ZNF83: variants seen among roughly 807,000 people sequenced by gnomAD.
ZNF83 encodes zinc finger protein 83, also known as zinc finger protein 816B.
For synonymous variants in ZNF83, 209 were observed against 213.0 expected (o/e 0.98, Z 0.17); for missense variants, 552 against 629.9 (o/e 0.88, Z 1.32).
Position 52,635,104 on chromosome 19 carries a change from TC to T in ZNF83, c.-273del, listed in dbSNP as rs756616512. Reference sequence around the variant, plus strand: ...ATTCCTGACGCCTTTGCTTTCCTCTTCCCCTTCCGGGTTTCTTCCTCATGTA... The same window carrying T: ...ATTCCTGACGCCTTTGCTTTCCTCTTCCCTTCCGGGTTTCTTCCTCATGTA... On this transcript the variant is annotated 5_prime_UTR_variant, in exon 2 of 3. It removes the in-frame stop codon of an upstream open reading frame in the 5' UTR. Coordinates refer to ENST00000301096, the Ensembl canonical transcript of ZNF83. 4.3e-6 allele frequency: 3 copies of T among 698,592 alleles called. No individual in the cohort carries two copies. Among genetic ancestry groups the T allele is most frequent in the East Asian group, 4.9e-5 (2 of 40,536 alleles). The allele number at this position is 698,592 out of a possible 1,614,324, so 43.3% of individuals were successfully genotyped here. A position where few individuals can be genotyped will look rare whatever the true frequency, so the allele number is the denominator to read the frequency against.
At chr19:52,613,036 T>A in exon 3 of ZNF83, 1 of 1,601,874 alleles carries the variant, frequency 6.2e-7, no homozygotes, top group Middle Eastern at 1.7e-4. Context: ...GTTAGATTTC[T>A]TTCCGGCATG....
chr19:52,679,202 T>A (rs1220948875), intron 1 of ZNF83, among the ~76,000 whole-genome samples: 1 of 152,184 alleles, frequency 6.6e-6, no homozygotes, highest in Non-Finnish European at 1.5e-5. Flanking sequence ...CCAAATGACA[T>A]CCTCAGTAGG....
exon 3 of ZNF83, chr19:52,614,185 C>T (rs1305204970): frequency 6.2e-7 from 1 of 1,614,044 alleles, no homozygotes; most frequent in Admixed American, 1.7e-5. Flanking sequence ...GAAGATCTTG[C>T]CACATATATC....
chr19:52,618,542 G>A lies in ZNF83; in HGVS notation c.-233-3745C>T, dbSNP rs1177828835. ...CTCCCAGAGTGCTGGGATTACAGGC[G>A]TGAGCCACCGCGCCTGGCCAATTTT... On this transcript the variant is annotated intron_variant, in intron 2 of 2. Coordinates refer to ENST00000301096, the Ensembl canonical transcript of ZNF83. The A allele has an allele frequency of 5.8e-5, 12 of 206,532 alleles. No individual in the cohort carries two copies. The East Asian group carries it at 9.2e-4, about 16-fold the overall frequency. 12.8% of individuals were successfully genotyped at this position (206,532 alleles called of 1,614,324 possible).
At chr19:52,624,855 C>T (rs1035738431) in intron 2 of ZNF83, among the ~76,000 whole-genome samples, 1 of 152,134 alleles carries the variant, frequency 6.6e-6, no homozygotes, top group African/African-American at 2.4e-5. Flanking sequence ...TATTTTCTTC[C>T]TCACACCTGA....
rs1386940102 is a variant in ZNF83, at chr19:52,638,100, C to T, written c.-322+212G>A. Among the ~76,000 whole-genome samples, 3 of 152,284 alleles carry T rather than the reference C, an allele frequency of 2.0e-5. No individual in the cohort carries two copies. In the East Asian group the frequency reaches 5.8e-4, roughly 29 times the overall value. ...ACTACGCGACAGGAAGTGTATACAT[C>T]GCCCTACAGCAGAAAGACCGGGGAC... On this transcript the variant is annotated intron_variant, in intron 1 of 2. Transcript: ENST00000301096.
chr19:52,650,645 T>G (rs2061430791), intron 3 of ZNF83: 1 of 152,182 alleles, frequency 6.6e-6, no homozygotes, highest in African/African-American at 2.4e-5. Flanking sequence ...TTAGAAGAAC[T>G]TCAAGTTTTA....
At chr19:52,679,977 C>T (rs570785927) in intron 1 of ZNF83, among the ~76,000 whole-genome samples, 1 of 152,124 alleles carries the variant, frequency 6.6e-6, no homozygotes, top group African/African-American at 2.4e-5. Flanking sequence ...GGTTGGGGTT[C>T]GAGACCAGAC....
At chr19:52,637,300 G>A (rs1022999712) in intron 1 of ZNF83, among the ~76,000 whole-genome samples, 1 of 152,002 alleles carries the variant, frequency 6.6e-6, no homozygotes, top group East Asian at 1.9e-4. Flanking sequence ...TCCCCAATAT[G>A]TGGAACCACA....
At chr19:52,649,770 C>T (rs562166530) in intron 3 of ZNF83, among the ~76,000 whole-genome samples, 1 of 152,108 alleles carries the variant, frequency 6.6e-6, no homozygotes, top group South Asian at 2.1e-4. Context: ...CCATTGGTAG[C>T]CATTTAGCAA....
At chr19:52,666,631 A>G (rs1373234144) in intron 1 of ZNF83, among the ~76,000 whole-genome samples, 1 of 151,890 alleles carries the variant, frequency 6.6e-6, no homozygotes, top group East Asian at 1.9e-4. Flanking sequence ...AAAAAAAAAA[A>G]AAAAAAAAAG....
chr19:52,638,721 C>T (rs1231665010), upstream of ZNF83, among the ~76,000 whole-genome samples: 1 of 152,242 alleles, frequency 6.6e-6, no homozygotes, highest in Admixed American at 6.5e-5. Flanking sequence ...ATTCTCCATT[C>T]ACTTGGGAGA....
intron 3 of ZNF83, chr19:52,653,191 G>A (rs1007727537): frequency 6.6e-7 from 1 of 1,525,472 alleles, no homozygotes; most frequent in African/African-American, 1.4e-5. Flanking sequence ...CACAAGGGAT[G>A]ACTTCTGACT....
intron 1 of ZNF83, among the ~76,000 whole-genome samples, chr19:52,685,267 G>A (rs1189331930): frequency 2.4e-4 from 37 of 152,074 alleles, no homozygotes; most frequent in Admixed American, 1.8e-3. Context: ...GGCTCAGAGC[G>A]GGGACATTTT....
chr19:52,667,232 A>G (rs2061666694), intron 1 of ZNF83, among the ~76,000 whole-genome samples: 1 of 151,752 alleles, frequency 6.6e-6, no homozygotes, highest in Non-Finnish European at 1.5e-5. Context: ...TTGAAAAAAA[A>G]AAAAAAAAAA....
chr19:52,667,575 A>G (rs1352801180), intron 1 of ZNF83, among the ~76,000 whole-genome samples: 3 of 152,198 alleles, frequency 2.0e-5, no homozygotes, highest in Admixed American at 6.5e-5. Context: ...ACATTGAAAG[A>G]TTAAAAAAAT....
At chr19:52,640,348 A>C (rs531844221), upstream of ZNF83, among the ~76,000 whole-genome samples, 2 of 152,176 alleles carry the variant, frequency 1.3e-5, no homozygotes, top group Non-Finnish European at 2.9e-5. Context: ...AAAGACAGAG[A>C]ATCTTTAGCA....
chr19:52,688,995 C>T (rs1054055653), intron 1 of ZNF83, among the ~76,000 whole-genome samples: 5 of 146,812 alleles, frequency 3.4e-5, no homozygotes, highest in Non-Finnish European at 6.0e-5. Context: ...TTTACTGTTA[C>T]TCTTTTTCCA....
At chr19:52,634,285 T>C (rs73061483) in intron 2 of ZNF83, among the ~76,000 whole-genome samples, 31 of 28,420 alleles carry the variant, frequency 1.1e-3, no homozygotes, top group Non-Finnish European at 2.1e-3. Context: ...GCAACAACAA[T>C]AATAATAATA....
Sources: gnomAD v4.1 joint callset for allele counts (sites outside exome capture counted in the v4.1 genomes callset) on GRCh38, gnomAD v4.1.1 for gene constraint, MANE v1.5 for transcripts, NCBI Gene and HGNC (gene_info 2026-07-23, HGNC 2026-07-21) for gene names.